The following CNIH3 variants were observed in gnomAD, a reference collection of about 807,000 sequenced individuals.
CNIH3 encodes protein cornichon homolog 3.
CNIH3 carries 14 observed loss-of-function variants against 24.1 expected under a neutral mutation model. That is an observed-to-expected ratio of 0.58 (90% confidence interval 0.38 to 0.91). The LOEUF (loss-of-function observed/expected upper bound fraction) is 0.91. Ranked by LOEUF, CNIH3 falls within the 40% of genes least tolerant of loss-of-function variation. The pLI is 0.00. For missense variants in CNIH3, 178 were observed against 196.8 expected (o/e 0.90, Z 0.57); for synonymous variants, 68 against 73.8 (o/e 0.92, Z 0.40).
chr1:224,541,803 T>G (rs1157417257), downstream of CNIH3, among the ~76,000 whole-genome samples: 1 of 152,202 alleles, frequency 6.6e-6, no homozygotes, highest in Admixed American at 6.5e-5. Flanking sequence ...TAACTATGAT[T>G]TATTTCTCTT....
intron 1 of CNIH3, among the ~76,000 whole-genome samples, chr1:224,520,107 C>T (rs1424019777): frequency 1.3e-5 from 2 of 152,156 alleles, no homozygotes; most frequent in African/African-American, 4.8e-5. Context: ...TCCCCTGGCA[C>T]CATTTACTAT....
At chr1:224,514,226 G>A (rs1678287290), upstream of CNIH3, among the ~76,000 whole-genome samples, 1 of 152,104 alleles carries the variant, frequency 6.6e-6, no homozygotes, top group African/African-American at 2.4e-5. Context: ...AACTGAACTG[G>A]AACATACTTG....
chr1:224,605,148 G>T (rs1031431346), intron 3 of CNIH3, among the ~76,000 whole-genome samples: 1 of 152,210 alleles, frequency 6.6e-6, no homozygotes, highest in East Asian at 1.9e-4. Context: ...ATCAATCAGA[G>T]CAAAGTACCG....
chr1:224,703,294 C>T lies in CNIH3; in HGVS notation c.198+18451C>T, dbSNP rs574148951. Among the ~76,000 whole-genome samples, 1 of 152,226 alleles carries T rather than the reference C, an allele frequency of 6.6e-6. No individual in the cohort carries two copies. The highest frequency in any genetic ancestry group is 1.9e-4 in the East Asian group (1 of 5,190). On this transcript the variant is annotated intron_variant, in intron 3 of 5. Coordinates refer to ENST00000272133, the MANE Select transcript of CNIH3 (RefSeq NM_152495.2). The surrounding 1 kb of genome is among the most constrained non-coding windows in gnomAD (Gnocchi z 4.2). ...CGTGACCACCGGACCAGCTGAGCCA[C>T]GATGGGCAGCTTGAATGTGTTAATG...
At chr1:224,689,928 C>T (rs1686847969) in intron 3 of CNIH3, among the ~76,000 whole-genome samples, 1 of 152,134 alleles carries the variant, frequency 6.6e-6, no homozygotes, top group Non-Finnish European at 1.5e-5. Context: ...TGTGGGGCCC[C>T]TACAAAGTGC....
At chr1:224,680,466 C>A (rs1371970754) in intron 1 of CNIH3, among the ~76,000 whole-genome samples, 1 of 152,232 alleles carries the variant, frequency 6.6e-6, no homozygotes, top group East Asian at 1.9e-4. Context: ...GGCTTGTGGA[C>A]ATCTAGACAT....
intron 3 of CNIH3, among the ~76,000 whole-genome samples, chr1:224,721,511 C>T (rs1175079805): frequency 2.0e-5 from 3 of 152,274 alleles, no homozygotes; most frequent in Non-Finnish European, 2.9e-5. Context: ...TTTGAGAGAG[C>T]GCTTTTATTC....
At chr1:224,622,339 G>T (rs1440002059) in intron 1 of CNIH3, among the ~76,000 whole-genome samples, 9 of 152,184 alleles carry the variant, frequency 5.9e-5, no homozygotes, top group African/African-American at 2.2e-4. Flanking sequence ...AGTGGAGCTG[G>T]TTCTCTTTCA....
At chr1:224,490,499 TG>T (rs1677200379) in intron 1 of CNIH3, among the ~76,000 whole-genome samples, 1 of 152,242 alleles carries the variant, frequency 6.6e-6, no homozygotes, top group Admixed American at 6.5e-5. Flanking sequence ...TTTTTCTTTA[TG>T]GTCAAGTTCT....
chr1:224,610,642 G>A (rs1682648149), intron 3 of CNIH3, among the ~76,000 whole-genome samples: 1 of 152,186 alleles, frequency 6.6e-6, no homozygotes, highest in Non-Finnish European at 1.5e-5. Context: ...TGTGAAAACA[G>A]ACTAATGCAA....
At chr1:224,607,328 C>T (rs1464324421) in intron 3 of CNIH3, among the ~76,000 whole-genome samples, 2 of 152,188 alleles carry the variant, frequency 1.3e-5, no homozygotes, top group Non-Finnish European at 2.9e-5. Context: ...ATCTGTGGTC[C>T]TTGCCTTTCC....
intron 2 of CNIH3, among the ~76,000 whole-genome samples, chr1:224,527,402 T>C (rs1316591243): frequency 6.6e-6 from 1 of 152,204 alleles, no homozygotes. Flanking sequence ...GAAACTTTAT[T>C]TTCTTCACTT....
intron 1 of CNIH3, among the ~76,000 whole-genome samples, chr1:224,494,802 G>GA (rs1677368822): frequency 6.6e-6 from 1 of 152,160 alleles, no homozygotes; most frequent in Admixed American, 6.5e-5. Flanking sequence ...GATTGATTCT[G>GA]AACTGGACTC....
chr1:224,644,369 C>T (rs1288340143), intron 1 of CNIH3, among the ~76,000 whole-genome samples: 2 of 151,724 alleles, frequency 1.3e-5, no homozygotes, highest in Admixed American at 1.3e-4. Context: ...TGCCTCCACG[C>T]CCAGCTAATT....
intron 3 of CNIH3, among the ~76,000 whole-genome samples, chr1:224,724,094 A>G (rs1688889446): frequency 2.6e-5 from 4 of 152,170 alleles, no homozygotes; most frequent in African/African-American, 9.7e-5. Context: ...ATTCTAGACT[A>G]GGTTATTCTG....
intron 3 of CNIH3, among the ~76,000 whole-genome samples, chr1:224,729,738 C>G (rs1036317843): frequency 6.6e-6 from 1 of 152,014 alleles, no homozygotes; most frequent in Admixed American, 6.6e-5. Context: ...TGATTTTAAG[C>G]TCCTTTTACC....
chr1:224,533,778 C>T (rs1291399453), intron 2 of CNIH3, among the ~76,000 whole-genome samples: 1 of 152,214 alleles, frequency 6.6e-6, no homozygotes, highest in Non-Finnish European at 1.5e-5. Context: ...CCAATTCAGT[C>T]TAACCGCATC....
At chr1:224,460,182 C>G (rs1034604851) in intron 1 of CNIH3, among the ~76,000 whole-genome samples, 10 of 152,088 alleles carry the variant, frequency 6.6e-5, no homozygotes, top group African/African-American at 2.4e-4. Context: ...ATGATCTACC[C>G]CTCCTGGTTT....
chr1:224,556,635 T>G (rs2124975832), intron 3 of CNIH3, among the ~76,000 whole-genome samples: 1 of 152,314 alleles, frequency 6.6e-6, no homozygotes, highest in South Asian at 2.1e-4. Context: ...TCATGAGGAA[T>G]GTACAACCCA....
Sources: gnomAD v4.1 joint callset for allele counts (sites outside exome capture counted in the v4.1 genomes callset) on GRCh38, gnomAD v4.1.1 for gene constraint, Gnocchi (gnomAD v3.1) non-coding constraint, MANE v1.5 for transcripts, NCBI Gene and HGNC (gene_info 2026-07-23, HGNC 2026-07-21) for gene names.